WNT9A: variants seen among roughly 807,000 people sequenced by gnomAD.
WNT9A encodes protein Wnt-9a.
In WNT9A, 8 loss-of-function variants were observed where a neutral mutation model predicts 31.4. That is an observed-to-expected ratio of 0.26 (90% CI 0.15 to 0.46). WNT9A has a LOEUF of 0.46. WNT9A is among the 20% of genes least tolerant of loss of function. The pLI is 0.99. For synonymous variants in WNT9A, 236 were observed against 220.1 expected (o/e 1.07, Z -0.64); for missense variants, 457 against 522.9 (o/e 0.87, Z 1.23).
intron 3 of WNT9A, among the ~76,000 whole-genome samples, chr1:227,922,382 C>T (rs1355309450): frequency 6.6e-6 from 1 of 152,254 alleles, no homozygotes; most frequent in Non-Finnish European, 1.5e-5. Context: ...CATCTGCTCT[C>T]AGCACACAGC....
intron 1 of WNT9A, among the ~76,000 whole-genome samples, chr1:227,935,879 C>T (rs1362697499): frequency 6.6e-6 from 1 of 152,232 alleles, no homozygotes; most frequent in Non-Finnish European, 1.5e-5. Flanking sequence ...TTAGTGCCTT[C>T]TCTACCTGGG....
At chr1:227,945,331 C>G (rs548095887) in intron 1 of WNT9A, among the ~76,000 whole-genome samples, 1 of 152,328 alleles carries the variant, frequency 6.6e-6, no homozygotes, top group Admixed American at 6.5e-5. Context: ...ATGGGAGAAC[C>G]AGATGGAGAT....
Position 227,925,188 on chromosome 1 carries a change from C to T in WNT9A, c.352+75G>A. On this transcript the variant is annotated intron_variant, in intron 2 of 3. Transcript: ENST00000272164. This position sits in a 1 kb window ranked among gnomAD's most constrained non-coding sequence, Gnocchi z 6.0. Reference sequence around the variant, plus strand: ...CCCCAGGAGCGCAGCCTAAGAGGGGCCTCTTGGGATATGGACAAGGCCTGG... The same window carrying T: ...CCCCAGGAGCGCAGCCTAAGAGGGGTCTCTTGGGATATGGACAAGGCCTGG... The T allele has an allele frequency of 1.2e-5, 17 of 1,436,160 alleles. No homozygotes were observed. Among genetic ancestry groups the T allele is most frequent in the Non-Finnish European group, 1.6e-5 (17 of 1,095,500 alleles). The allele number at this position is 1,436,160 out of a possible 1,614,324, so 89.0% of individuals were successfully genotyped here. A position where few individuals can be genotyped will look rare whatever the true frequency, so the allele number is the denominator to read the frequency against.
chr1:227,931,074 T>TCTTCCTTC (rs546868517), intron 1 of WNT9A, among the ~76,000 whole-genome samples: 1 of 151,626 alleles, frequency 6.6e-6, no homozygotes, highest in Admixed American at 6.6e-5. Flanking sequence ...TCTTCTCTCA[T>TCTTCCTTC]CTTCCTTCCT....
intron 1 of WNT9A, among the ~76,000 whole-genome samples, chr1:227,938,164 T>A (rs969942214): frequency 2.0e-5 from 3 of 152,022 alleles, no homozygotes; most frequent in African/African-American, 7.3e-5. Context: ...AACCATTTCA[T>A]CAGCTCTTTG....
chr1:227,930,528 T>C (rs933372709), intron 1 of WNT9A, among the ~76,000 whole-genome samples: 2 of 152,002 alleles, frequency 1.3e-5, no homozygotes, highest in African/African-American at 4.8e-5. Context: ...GGTGACAGAC[T>C]GAGACCATCT....
In WNT9A at chr1:227,920,029, T is replaced by G. The variant is rs1198830537; in HGVS notation, c.*1489A>C. 6.6e-6 allele frequency: 1 copy of G among 152,298 alleles called. No homozygotes were observed. Among genetic ancestry groups the G allele is most frequent in the Non-Finnish European group, 1.5e-5 (1 of 68,096 alleles). 9.4% of individuals were successfully genotyped at this position (152,298 alleles called of 1,614,324 possible). A position where few individuals can be genotyped will look rare whatever the true frequency, so the allele number is the denominator to read the frequency against. ...CCCCAGTGACACAAAGCAAGCAGCT[T>G]CCTCATGACATGACATGAACCAATC... On this transcript the variant is annotated 3_prime_UTR_variant, in exon 4 of 4. Transcript: ENST00000272164.
intron 1 of WNT9A, among the ~76,000 whole-genome samples, chr1:227,946,935 CG>C (rs1666803963): frequency 6.6e-6 from 1 of 152,150 alleles, no homozygotes. Flanking sequence ...CGGCGGCGCT[CG>C]GGGTAGGAGG....
rs1666460805 is a variant in WNT9A, at chr1:227,928,737, T to C, written c.96-3218A>G. ...CAGGCAGGGCTTCCAGGTGGGGCTC[T>C]CTTTCTGCCACACGACAGAGCCACA... On this transcript the variant is annotated intron_variant, in intron 1 of 3. Transcript: ENST00000272164. The surrounding 1 kb of genome is among the most constrained non-coding windows in gnomAD (Gnocchi z 4.5). Among the ~76,000 whole-genome samples, 1 of 152,276 alleles carries C rather than the reference T, an allele frequency of 6.6e-6. No homozygotes were observed. Among genetic ancestry groups the C allele is most frequent in the African/African-American group, 2.4e-5 (1 of 41,540 alleles).
intron 1 of WNT9A, among the ~76,000 whole-genome samples, chr1:227,941,192 G>A (rs975142065): frequency 1.3e-5 from 2 of 152,204 alleles, no homozygotes; most frequent in Admixed American, 1.3e-4. Flanking sequence ...GCTGCCAGGT[G>A]AATGAGTGAC....
intron 3 of WNT9A, among the ~76,000 whole-genome samples, chr1:227,922,346 A>G (rs904866400): frequency 7.2e-5 from 11 of 152,094 alleles, no homozygotes; most frequent in Admixed American, 6.5e-4. Flanking sequence ...CCCCATTCCC[A>G]TAATCCCAGT....
Position 227,925,702 on chromosome 1 carries a change from C to T in WNT9A, c.96-183G>A, listed in dbSNP as rs1294668374. Reference sequence around the variant, plus strand: ...AGAAGGGCCTTGGCCCCCTGCACACCCATGGCCCCCACTCCAGCGAGCATG... The same window carrying T: ...AGAAGGGCCTTGGCCCCCTGCACACTCATGGCCCCCACTCCAGCGAGCATG... On this transcript the variant is annotated intron_variant, in intron 1 of 3. Coordinates refer to ENST00000272164, the MANE Select transcript of WNT9A (RefSeq NM_003395.4). This position sits in a 1 kb window ranked among gnomAD's most constrained non-coding sequence, Gnocchi z 6.0. Among the ~76,000 whole-genome samples, 1 of 151,564 alleles carries T rather than the reference C, an allele frequency of 6.6e-6. No homozygotes were observed. Among genetic ancestry groups the T allele is most frequent in the Non-Finnish European group, 1.5e-5 (1 of 67,838 alleles).
At chr1:227,943,804 A>G (rs925690537) in intron 1 of WNT9A, among the ~76,000 whole-genome samples, 4 of 152,096 alleles carry the variant, frequency 2.6e-5, no homozygotes, top group Non-Finnish European at 5.9e-5. Context: ...GTAAAACCCC[A>G]TCTCTACAAA....
intron 1 of WNT9A, among the ~76,000 whole-genome samples, chr1:227,946,201 C>T (rs1053406812): frequency 6.6e-6 from 1 of 152,260 alleles, no homozygotes; most frequent in Non-Finnish European, 1.5e-5. Context: ...CTGAAACACA[C>T]GCACACAAAG....
At chr1:227,944,303 G>A (rs555099854) in intron 1 of WNT9A, among the ~76,000 whole-genome samples, 22 of 152,292 alleles carry the variant, frequency 1.4e-4, no homozygotes, top group Admixed American at 7.2e-4. Flanking sequence ...TCTAGGAAAC[G>A]TCCAGGACAG....
At chr1:227,945,768 G>C (rs1666784384) in intron 1 of WNT9A, among the ~76,000 whole-genome samples, 1 of 152,194 alleles carries the variant, frequency 6.6e-6, no homozygotes, top group African/African-American at 2.4e-5. Context: ...CAGCAGGAGA[G>C]GCCTCCGCAC....
At chr1:227,939,082 G>A (rs140275854) in intron 1 of WNT9A, among the ~76,000 whole-genome samples, 31 of 152,340 alleles carry the variant, frequency 2.0e-4, no homozygotes, top group Middle Eastern at 3.4e-3. Context: ...GTCATTCCAG[G>A]TGCAGCCATG....
At position 227,925,348 on chromosome 1, in the gene WNT9A, A is replaced by C; in HGVS notation, c.267T>G (p.Ser89Arg). The C allele has an allele frequency of 6.2e-7, 1 of 1,610,972 alleles. No homozygotes were observed. Among genetic ancestry groups the C allele is most frequent in the Non-Finnish European group, 8.5e-7 (1 of 1,179,398 alleles). ...AETLVEAVSM[S>R]ALECQFQFRF... The stretch of plus-strand genomic sequence containing the variant: ...GGAACTGGAACTGGCACTCGAGCGC[A>C]CTCATGCTCACGGCCTCCACCAGCG... Residue 89 changes from serine to arginine, a missense_variant, in exon 2 of 4, where the codon AGT becomes AGG. Physicochemically the swap from Ser to Arg is moderately radical, Grantham distance 110. Transcript: ENST00000272164. The surrounding 1 kb of genome is among the most constrained non-coding windows in gnomAD (Gnocchi z 6.0).
At chr1:227,939,628 A>T (rs2102729024) in intron 1 of WNT9A, among the ~76,000 whole-genome samples, 1 of 152,180 alleles carries the variant, frequency 6.6e-6, no homozygotes, top group East Asian at 1.9e-4. Flanking sequence ...GAGGGAGCAC[A>T]CATCACCAAG....
Sources: allele counts gnomAD v4.1 joint callset (sites outside exome capture counted in the v4.1 genomes callset), GRCh38; gene constraint gnomAD v4.1.1; non-coding constraint Gnocchi (gnomAD v3.1); transcripts MANE v1.5; gene names NCBI Gene and HGNC (gene_info 2026-07-23, HGNC 2026-07-21).